The following IQCM variants were observed in gnomAD, a reference collection of about 807,000 sequenced individuals.
IQCM encodes the protein IQ domain-containing protein M.
In IQCM, 45 loss-of-function variants were observed where a neutral mutation model predicts 57.6. That is an observed-to-expected ratio of 0.78 (90% CI 0.62 to 1.00). The LOEUF (loss-of-function observed/expected upper bound fraction) is 1.00. Ranked by LOEUF, IQCM falls within the 50% of genes least tolerant of loss-of-function variation. The pLI, the probability that IQCM is intolerant of heterozygous loss-of-function variation, is 0.00. For missense variants in IQCM, 468 were observed against 511.6 expected, an observed-to-expected ratio of 0.91 and a Z score of 0.82; for synonymous variants, 148 against 158.9, an observed-to-expected ratio of 0.93 and a Z score of 0.51.
At chr4:149,530,735 A>T (rs1746645714) in intron 12 of IQCM, among the ~76,000 whole-genome samples, 1 of 151,772 alleles carries the variant, frequency 6.6e-6, no homozygotes, top group Admixed American at 6.6e-5. Flanking sequence ...ACCTTATCCA[A>T]TGAAGATATA....
intron 2 of IQCM, among the ~76,000 whole-genome samples, chr4:149,765,101 A>G (rs532717907): frequency 6.6e-6 from 1 of 152,240 alleles, no homozygotes; most frequent in South Asian, 2.1e-4. Context: ...TTACCAAAAA[A>G]AATTTCTTTA....
intron 12 of IQCM, among the ~76,000 whole-genome samples, chr4:149,475,059 T>C (rs1048266443): frequency 6.6e-6 from 1 of 152,300 alleles, no homozygotes; most frequent in Admixed American, 6.5e-5. Flanking sequence ...AGACATAACC[T>C]AACATATTTT....
intron 7 of IQCM, among the ~76,000 whole-genome samples, chr4:149,638,858 T>A (rs1443058341): frequency 6.6e-6 from 1 of 151,850 alleles, no homozygotes; most frequent in Non-Finnish European, 1.5e-5. Context: ...AAGCATCACG[T>A]GGCTTTACCA....
chr4:149,417,249 G>A (rs759864786), intron 13 of IQCM, among the ~76,000 whole-genome samples: 9 of 152,048 alleles, frequency 5.9e-5, no homozygotes, highest in Admixed American at 3.9e-4. Flanking sequence ...ACATGTTGTC[G>A]GAACATTTGC....
chr4:149,754,237 A>G (rs546704281), intron 2 of IQCM, among the ~76,000 whole-genome samples: 2 of 152,300 alleles, frequency 1.3e-5, no homozygotes, highest in East Asian at 1.9e-4. Flanking sequence ...TGACTAGTCA[A>G]CTAGGATTTA....
At chr4:149,616,707 A>C (rs1246185856) in intron 8 of IQCM, among the ~76,000 whole-genome samples, 1 of 152,106 alleles carries the variant, frequency 6.6e-6, no homozygotes, top group Non-Finnish European at 1.5e-5. Flanking sequence ...AGGGAGGGGA[A>C]CAACACACAC....
intron 2 of IQCM, among the ~76,000 whole-genome samples, chr4:149,774,499 G>A (rs939543063): frequency 6.6e-6 from 1 of 151,834 alleles, no homozygotes; most frequent in South Asian, 2.1e-4. Flanking sequence ...ATGGTGCCCT[G>A]CATTTGCATA....
Position 149,459,784 on chromosome 4 carries a change from G to A in IQCM, c.1229-26227C>T, listed in dbSNP as rs895773536. The stretch of plus-strand genomic sequence containing the variant: ...CAGAATTTCCTTTCTTTTTAAGGCT[G>A]AATTATATCCCATTATATGTATATA... On this transcript the variant is annotated intron_variant, in intron 12 of 13. Coordinates refer to ENST00000636793, the MANE Select transcript of IQCM (RefSeq NM_001363507.2). 6.6e-5 allele frequency among the ~76,000 whole-genome samples: 10 copies of A among 152,210 alleles called. No individual in the cohort carries two copies. The East Asian group carries it at 1.9e-3, about 29-fold the overall frequency.
chr4:149,426,475 C>A (rs531759854), intron 13 of IQCM, among the ~76,000 whole-genome samples: 4 of 151,980 alleles, frequency 2.6e-5, no homozygotes, highest in Admixed American at 2.6e-4. Context: ...CATAAAACAA[C>A]AAAAATTTAT....
At chr4:149,743,894 G>T in intron 2 of IQCM, among the ~76,000 whole-genome samples, 1 of 152,186 alleles carries the variant, frequency 6.6e-6, no homozygotes, top group East Asian at 1.9e-4. Context: ...TTTACAATTA[G>T]AAATGGGAAT....
At chr4:149,553,309 T>C in intron 10 of IQCM, 22 bp from the exon 11 acceptor site, 1 of 1,229,802 alleles carries the variant, frequency 8.1e-7, no homozygotes, top group South Asian at 4.1e-5. Flanking sequence ...GAAAAGCTCC[T>C]TATATATTTC....
At chr4:149,353,444 AG>A (rs1728714068) in intron 13 of IQCM, among the ~76,000 whole-genome samples, 1 of 152,228 alleles carries the variant, frequency 6.6e-6, no homozygotes, top group African/African-American at 2.4e-5. Context: ...ATATACCCAA[AG>A]GAAATGAAAT....
intron 2 of IQCM, among the ~76,000 whole-genome samples, chr4:149,793,938 A>G (rs999574272): frequency 6.6e-6 from 1 of 152,220 alleles, no homozygotes; most frequent in Admixed American, 6.5e-5. Flanking sequence ...TAAAAATGTA[A>G]AAACAGAATG....
At chr4:149,405,852 C>T (rs1732939099) in intron 13 of IQCM, among the ~76,000 whole-genome samples, 1 of 136,120 alleles carries the variant, frequency 7.3e-6, no homozygotes, top group Non-Finnish European at 1.6e-5. Context: ...TATATATATG[C>T]TCCAGATATA....
chr4:149,375,826 A>G (rs1374751380), intron 13 of IQCM, among the ~76,000 whole-genome samples: 3 of 152,204 alleles, frequency 2.0e-5, no homozygotes, highest in African/African-American at 7.2e-5. Flanking sequence ...AAACTTACAA[A>G]TAATCATTTA....
At chr4:149,736,551 C>T (rs1027289417) in intron 3 of IQCM, among the ~76,000 whole-genome samples, 1 of 152,048 alleles carries the variant, frequency 6.6e-6, no homozygotes, top group African/African-American at 2.4e-5. Context: ...TATTAGTACT[C>T]TTACTATGAA....
intron 12 of IQCM, among the ~76,000 whole-genome samples, chr4:149,487,365 T>C (rs1404888402): frequency 1.3e-5 from 2 of 152,166 alleles, no homozygotes; most frequent in Admixed American, 1.3e-4. Flanking sequence ...GGATTCACTT[T>C]CATTGTTGCA....
intron 10 of IQCM, among the ~76,000 whole-genome samples, chr4:149,560,012 T>C (rs1173930493): frequency 1.3e-5 from 2 of 152,176 alleles, no homozygotes; most frequent in African/African-American, 4.8e-5. Flanking sequence ...AACAGTTTCA[T>C]CCTGAAAATA....
chr4:149,358,091 A>G (rs1317051619), intron 13 of IQCM, among the ~76,000 whole-genome samples: 1 of 152,048 alleles, frequency 6.6e-6, no homozygotes, highest in Non-Finnish European at 1.5e-5. Flanking sequence ...CGGTGGTGAT[A>G]TCCCCTTTAT....
Sources: gnomAD v4.1 joint callset for allele counts (sites outside exome capture counted in the v4.1 genomes callset) on GRCh38, gnomAD v4.1.1 for gene constraint, MANE v1.5 for transcripts, NCBI Gene and HGNC (gene_info 2026-07-23, HGNC 2026-07-21) for gene names.